Variants in RPTOR observed in about 807,000 individuals in gnomAD.
The protein encoded by RPTOR is regulatory-associated protein of mTOR.
Under a neutral mutation model 169.9 loss-of-function variants are expected in RPTOR, and 21 were observed. The observed-to-expected ratio is 0.12, with a 90% CI of 0.09 to 0.18. The LOEUF is 0.18. Among genes scored for constraint, RPTOR ranks in the 10% least tolerant of loss-of-function variants. The probability of loss-of-function intolerance (pLI) is 1.00; values close to 1 mark genes in which losing one functional copy is unlikely to be tolerated. For missense variants in RPTOR, 1,133 were observed against 1,855.9 expected (o/e 0.61, Z 7.16); for synonymous variants, 732 against 753.2 (o/e 0.97, Z 0.46).
chr17:80,736,254 C>T (rs2066432624), intron 5 of RPTOR, among the ~76,000 whole-genome samples: 1 of 152,138 alleles, frequency 6.6e-6, no homozygotes, highest in Non-Finnish European at 1.5e-5. Context: ...AGGCTTTTCT[C>T]AGGATGCTTC....
At chr17:80,617,792 T>C (rs1287404513) in intron 1 of RPTOR, among the ~76,000 whole-genome samples, 3 of 152,136 alleles carry the variant, frequency 2.0e-5, no homozygotes, top group Admixed American at 6.5e-5. Context: ...CAGTCCTTGG[T>C]GGGCGGTGGG....
intron 5 of RPTOR, among the ~76,000 whole-genome samples, chr17:80,745,735 C>T (rs559158906): frequency 6.6e-6 from 1 of 152,294 alleles, no homozygotes; most frequent in African/African-American, 2.4e-5. Context: ...AAAAGTGTTA[C>T]CGAGGAGATG....
intron 7 of RPTOR, among the ~76,000 whole-genome samples, chr17:80,796,349 G>A (rs2067101271): frequency 6.6e-6 from 1 of 152,214 alleles, no homozygotes; most frequent in African/African-American, 2.4e-5. Context: ...CCATCACACT[G>A]GGTAATTTAT....
chr17:80,696,408 A>G (rs1307783720), intron 3 of RPTOR, among the ~76,000 whole-genome samples: 2 of 152,204 alleles, frequency 1.3e-5, no homozygotes, highest in Non-Finnish European at 1.5e-5. Flanking sequence ...CCATGTTGGG[A>G]CAAAAAAAAT....
chr17:80,730,461 C>G lies in RPTOR; in HGVS notation c.508-99C>G, dbSNP rs2066380886. ...GCTAACTCAGCGTCTCTCCAGCCAC[C>G]AGGCTCAATGTGTGTGCCTTTTGTA... On this transcript the variant is annotated intron_variant, in intron 4 of 33. Transcript: ENST00000306801. This position sits in a 1 kb window ranked among gnomAD's most constrained non-coding sequence, Gnocchi z 4.2. 12 of 1,358,276 alleles carry G rather than the reference C, an allele frequency of 8.8e-6. No homozygotes were observed. The South Asian group carries it at 1.2e-4, about 13-fold the overall frequency. The allele number at this position is 1,358,276 out of a possible 1,614,324, so 84.1% of individuals were successfully genotyped here. A position where few individuals can be genotyped will look rare whatever the true frequency, so the allele number is the denominator to read the frequency against.
intron 21 of RPTOR, among the ~76,000 whole-genome samples, chr17:80,918,136 C>T (rs562837494): frequency 3.9e-5 from 6 of 152,226 alleles, no homozygotes; most frequent in Non-Finnish European, 5.9e-5. Flanking sequence ...TGCTCATTCC[C>T]CTCACTGCAG....
intron 3 of RPTOR, among the ~76,000 whole-genome samples, chr17:80,694,792 G>A (rs527608681): frequency 6.0e-4 from 92 of 152,316 alleles, no homozygotes; most frequent in Non-Finnish European, 1.0e-3. Flanking sequence ...CCATTCTGGC[G>A]GTTCCTGGCT....
intron 6 of RPTOR, among the ~76,000 whole-genome samples, chr17:80,763,635 A>G (rs184723755): frequency 9.3e-4 from 142 of 152,364 alleles, no homozygotes; most frequent in African/African-American, 3.2e-3. Context: ...ACAGAGGCAC[A>G]CAGGACCATA....
chr17:80,753,197 C>G (rs2066646120), intron 5 of RPTOR, among the ~76,000 whole-genome samples: 2 of 152,218 alleles, frequency 1.3e-5, no homozygotes, highest in Admixed American at 6.5e-5. Context: ...GTTTTTCAGT[C>G]TCTTTTGATG....
At chr17:80,884,925 C>T (rs1259587005) in intron 16 of RPTOR, 83 bp from the exon 17 acceptor site, 5 of 1,514,860 alleles carry the variant, frequency 3.3e-6, no homozygotes, top group Non-Finnish European at 4.4e-6. Flanking sequence ...GTTGGATTCA[C>T]CTGCACACAC....
chr17:80,939,819 C>T (rs1258981501), intron 24 of RPTOR, among the ~76,000 whole-genome samples: 1 of 152,188 alleles, frequency 6.6e-6, no homozygotes, highest in Non-Finnish European at 1.5e-5. Flanking sequence ...CATTCGGTGC[C>T]CCCCTGCCCT....
intron 4 of RPTOR, among the ~76,000 whole-genome samples, chr17:80,714,452 C>T (rs939221286): frequency 1.3e-5 from 2 of 152,214 alleles, no homozygotes; most frequent in East Asian, 3.9e-4. Flanking sequence ...AAAGATGTCT[C>T]AATAAAGTTT....
chr17:80,757,623 A>G (rs1211373604), intron 6 of RPTOR, among the ~76,000 whole-genome samples: 1 of 152,164 alleles, frequency 6.6e-6, no homozygotes, highest in East Asian at 1.9e-4. Flanking sequence ...AGTTGTCCAT[A>G]TTTGGGGGGT....
At chr17:80,917,007 A>T (rs990037564) in intron 21 of RPTOR, among the ~76,000 whole-genome samples, 1 of 152,138 alleles carries the variant, frequency 6.6e-6, no homozygotes, top group African/African-American at 2.4e-5. Context: ...AAAGAGAATG[A>T]AAATAAAGAT....
At chr17:80,868,129 T>C (rs2068014006) in intron 13 of RPTOR, among the ~76,000 whole-genome samples, 2 of 152,026 alleles carry the variant, frequency 1.3e-5, no homozygotes, top group African/African-American at 4.8e-5. Flanking sequence ...TATGATGACA[T>C]GGAGAAAATG....
At chr17:80,742,629 A>G (rs921875343) in intron 5 of RPTOR, among the ~76,000 whole-genome samples, 25 of 151,964 alleles carry the variant, frequency 1.6e-4, no homozygotes, top group African/African-American at 5.8e-4. Context: ...ACACACGCAC[A>G]TATACATACA....
chr17:80,758,572 G>T (rs2066703512), intron 6 of RPTOR, among the ~76,000 whole-genome samples: 2 of 152,198 alleles, frequency 1.3e-5, no homozygotes, highest in Non-Finnish European at 2.9e-5. Flanking sequence ...TCTTGAGCTG[G>T]TAAAAGATTA....
intron 2 of RPTOR, among the ~76,000 whole-genome samples, chr17:80,634,298 T>TGTGTGCATACTGTGC (rs2065470659): frequency 9.3e-6 from 1 of 107,618 alleles, no homozygotes; most frequent in African/African-American, 3.8e-5. Flanking sequence ...GCGTACTGTG[T>TGTGTGCATACTGTGC]GTGTGCGTAC....
chr17:80,866,399 G>T (rs77098021), intron 13 of RPTOR, among the ~76,000 whole-genome samples: 1 of 152,106 alleles, frequency 6.6e-6, no homozygotes, highest in East Asian at 1.9e-4. Context: ...AGAGGGCAGC[G>T]TGAGTGGAGT....
Sources: gnomAD v4.1 joint callset for allele counts (sites outside exome capture counted in the v4.1 genomes callset) on GRCh38, gnomAD v4.1.1 for gene constraint, Gnocchi (gnomAD v3.1) non-coding constraint, MANE v1.5 for transcripts, NCBI Gene and HGNC (gene_info 2026-07-23, HGNC 2026-07-21) for gene names.